HOOK1: variants seen among roughly 807,000 people sequenced by gnomAD.
The protein encoded by HOOK1 is hook microtubule tethering protein 1.
In HOOK1, 60 loss-of-function variants were observed where a neutral mutation model predicts 112.8. That is an observed-to-expected ratio of 0.53 (90% confidence interval 0.43 to 0.66). HOOK1 has a LOEUF of 0.66. Among genes scored for constraint, HOOK1 ranks in the 30% least tolerant of loss-of-function variants. The probability of loss-of-function intolerance (pLI) is 0.00; values close to 1 mark genes in which losing one functional copy is unlikely to be tolerated. For missense variants in HOOK1, 770 were observed against 856.0 expected (o/e 0.90, Z 1.25); for synonymous variants, 294 against 283.8 (o/e 1.04, Z -0.36).
In HOOK1 at chr1:59,858,418, T is replaced by C; in HGVS notation, c.1243-10T>C. 1 of 1,577,180 alleles carries C rather than the reference T, an allele frequency of 6.3e-7. No individual in the cohort carries two copies. Among genetic ancestry groups the C allele is most frequent in the South Asian group, 1.1e-5 (1 of 90,322 alleles). ...TTAAATACTTTGCTGATATCAACAA[T>C]TCTTTTCAGAGACTAATTGAGCAGC... On this transcript the variant is annotated splice_polypyrimidine_tract_variant and intron_variant, in intron 12 of 21. Coordinates refer to ENST00000371208, the MANE Select transcript of HOOK1 (RefSeq NM_015888.6).
intron 12 of HOOK1, among the ~76,000 whole-genome samples, chr1:59,853,100 C>T (rs1412807936): frequency 1.3e-5 from 2 of 151,884 alleles, no homozygotes; most frequent in African/African-American, 2.4e-5. Flanking sequence ...GTGTATTCTA[C>T]TGTTGGGTAA....
intron 21 of HOOK1, 121 bp downstream of exon 21, chr1:59,871,231 TA>T (rs903215371): frequency 2.2e-5 from 14 of 626,602 alleles, no homozygotes; most frequent in Non-Finnish European, 2.5e-5. Flanking sequence ...ATAGCATGTT[TA>T]TGTATATGAC....
chr1:59,872,899 G>A lies in HOOK1; in HGVS notation c.2121G>A (p.Gln707=), dbSNP rs373551602. Reference sequence around the variant, plus strand: ...CTCCTGCGCGGTCTTTCTTAGCGCAGCAACGGCACATCACCAACACCAGAA... The same window carrying A: ...CTCCTGCGCGGTCTTTCTTAGCGCAACAACGGCACATCACCAACACCAGAA... ...ACTPARSFLA[Q]QRHITNTRRN... is the part of the protein sequence containing the mutation. Residue 707 remains glutamine (Q), a synonymous_variant, in exon 22 of 22, where the codon CAG becomes CAA. Coordinates refer to ENST00000371208, the MANE Select transcript of HOOK1 (RefSeq NM_015888.6). The A allele has an allele frequency of 6.7e-5, 102 of 1,526,396 alleles. No homozygotes were observed. In the African/African-American group the frequency reaches 1.2e-3, roughly 18 times the overall value. The allele number at this position is 1,526,396 out of a possible 1,614,324, so 94.6% of individuals were successfully genotyped here.
At chr1:59,854,226 A>G (rs1287048834) in intron 12 of HOOK1, among the ~76,000 whole-genome samples, 1 of 150,076 alleles carries the variant, frequency 6.7e-6, no homozygotes, top group African/African-American at 2.4e-5. Context: ...TAATTTTTGT[A>G]CTTTTAATAG....
chr1:59,863,649 A>G (rs929707283), intron 16 of HOOK1, among the ~76,000 whole-genome samples: 1 of 152,188 alleles, frequency 6.6e-6, no homozygotes, highest in Non-Finnish European at 1.5e-5. Flanking sequence ...TGTTAGGGAT[A>G]TCTTGATTGA....
chr1:59,820,261 A>G lies in HOOK1; in HGVS notation c.64-1597A>G, dbSNP rs575852217. Among the ~76,000 whole-genome samples, 3 of 152,358 alleles carry G rather than the reference A, an allele frequency of 2.0e-5. No homozygotes were observed. The South Asian group carries it at 6.2e-4, about 32-fold the overall frequency. Reference sequence around the variant, plus strand: ...CTAACAGCTGTTGAGCTTATGCCACATGCCAGGCCCTGATATAGGTATATT... The same window carrying G: ...CTAACAGCTGTTGAGCTTATGCCACGTGCCAGGCCCTGATATAGGTATATT... On this transcript the variant is annotated intron_variant, in intron 1 of 21. Coordinates refer to ENST00000371208, the MANE Select transcript of HOOK1 (RefSeq NM_015888.6).
At chr1:59,870,524 CAAGAA>C (rs1644040035) in intron 20 of HOOK1, among the ~76,000 whole-genome samples, 1 of 152,050 alleles carries the variant, frequency 6.6e-6, no homozygotes, top group South Asian at 2.1e-4. Flanking sequence ...ATCTGGTACT[CAAGAA>C]AAGTATGTCA....
intron 19 of HOOK1, among the ~76,000 whole-genome samples, chr1:59,866,712 G>C (rs1163063126): frequency 1.3e-5 from 2 of 152,162 alleles, no homozygotes; most frequent in East Asian, 3.8e-4. Context: ...GCAGGCATGT[G>C]ACCACACTAC....
rs1333888249 is a variant in HOOK1, at chr1:59,873,582, A to C, written c.*617A>C. 1 of 151,584 alleles carries C rather than the reference A, an allele frequency of 6.6e-6. No individual in the cohort carries two copies. The highest frequency in any genetic ancestry group is 1.5e-5 in the Non-Finnish European group (1 of 67,888). The allele number at this position is 151,584 out of a possible 1,614,324, so 9.4% of individuals were successfully genotyped here. A position where few individuals can be genotyped will look rare whatever the true frequency, so the allele number is the denominator to read the frequency against. ...GGAATAATAAAATTGACTAATTGGA[A>C]ATTTTGCATATTCTGAAAATCTAAT... On this transcript the variant is annotated 3_prime_UTR_variant, in exon 22 of 22. Transcript: ENST00000371208.
At chr1:59,871,233 T>C (rs1207806573) in intron 21 of HOOK1, 123 bp downstream of exon 21, 3 of 604,402 alleles carry the variant, frequency 5.0e-6, no homozygotes, top group Non-Finnish European at 8.7e-6. Flanking sequence ...AGCATGTTTA[T>C]GTATATGACT....
intron 20 of HOOK1, among the ~76,000 whole-genome samples, chr1:59,868,989 C>G (rs1178414803): frequency 6.6e-6 from 1 of 152,038 alleles, no homozygotes; most frequent in Non-Finnish European, 1.5e-5. Flanking sequence ...CTATGGAATT[C>G]TGTATTCTTA....
chr1:59,823,226 A>G (rs937593633), intron 2 of HOOK1, among the ~76,000 whole-genome samples: 1 of 152,236 alleles, frequency 6.6e-6, no homozygotes, highest in Non-Finnish European at 1.5e-5. Context: ...AGGCTGAGGC[A>G]GGAGAATGGC....
At chr1:59,859,842 T>C (rs1405380120) in intron 14 of HOOK1, among the ~76,000 whole-genome samples, 1 of 152,060 alleles carries the variant, frequency 6.6e-6, no homozygotes, top group Non-Finnish European at 1.5e-5. Context: ...TTGTTTCCTT[T>C]AGCGAATAGT....
At chr1:59,871,003 A>C (rs1477583533) in intron 20 of HOOK1, 39 bp from the exon 21 acceptor site, 1 of 1,303,292 alleles carries the variant, frequency 7.7e-7, no homozygotes, top group South Asian at 1.2e-5. Context: ...ATTTGGGGTA[A>C]TTTCTGGGAT....
chr1:59,840,481 G>A, intron 8 of HOOK1, 90 bp downstream of exon 8: 1 of 680,636 alleles, frequency 1.5e-6, no homozygotes, highest in Non-Finnish European at 2.2e-6. Flanking sequence ...ACTATGTTTT[G>A]TAGATTAGGT....
intron 20 of HOOK1, among the ~76,000 whole-genome samples, chr1:59,869,242 G>T (rs1314900587): frequency 2.0e-5 from 3 of 151,314 alleles, no homozygotes; most frequent in Admixed American, 6.6e-5. Context: ...CCCAGGCTGG[G>T]TTGCAGTGGC....
At chr1:59,823,358 A>G (rs1446662846) in intron 2 of HOOK1, among the ~76,000 whole-genome samples, 1 of 152,184 alleles carries the variant, frequency 6.6e-6, no homozygotes, top group Admixed American at 6.5e-5. Flanking sequence ...TTATTTATTT[A>G]TATCTTAATT....
chr1:59,858,564 G>T (rs780927816), intron 13 of HOOK1, 49 bp downstream of exon 13: 56 of 1,194,062 alleles, frequency 4.7e-5, no homozygotes, highest in Non-Finnish European at 2.5e-6. Context: ...AGCATAGTGG[G>T]ACTCCATTCA....
intron 6 of HOOK1, among the ~76,000 whole-genome samples, chr1:59,836,154 G>C (rs1038396221): frequency 6.6e-6 from 1 of 152,050 alleles, no homozygotes; most frequent in South Asian, 2.1e-4. Context: ...AAATATGGTG[G>C]TACTTAGGTT....
Sources: gnomAD v4.1 joint callset for allele counts (sites outside exome capture counted in the v4.1 genomes callset) on GRCh38, gnomAD v4.1.1 for gene constraint, MANE v1.5 for transcripts, NCBI Gene and HGNC (gene_info 2026-07-23, HGNC 2026-07-21) for gene names.